Variants in ZNF787 observed in about 807,000 individuals in gnomAD.
ZNF787 encodes zinc finger protein 787, also known as TTF-I-interacting peptide 20.
A neutral mutation model predicts 16.9 loss-of-function variants in ZNF787; 7 were observed. The observed-to-expected ratio is 0.42, with a 90% CI of 0.24 to 0.78. ZNF787 has a LOEUF of 0.78. Among genes scored for constraint, ZNF787 ranks in the 30% least tolerant of loss-of-function variants. The pLI is 0.30. For missense variants in ZNF787, 551 were observed against 589.3 expected (o/e 0.94, Z 0.67); for synonymous variants, 345 against 270.9 (o/e 1.27, Z -2.69).
chr19:56,088,172 T>C lies in ZNF787; in HGVS notation c.1000A>G (p.Arg334Gly). The C allele has an allele frequency of 1.3e-6, 2 of 1,550,322 alleles. No individual in the cohort carries two copies. Among genetic ancestry groups the C allele is most frequent in the Admixed American group, 1.8e-5 (1 of 54,746 alleles). The change falls in exon 3 of 3, where the codon AGA becomes GGA. Residue 334 changes from arginine (R) to glycine (G), a missense_variant. Arg to Gly is a moderately radical substitution (Grantham distance 125, BLOSUM62 -2). This residue lies in a region of ZNF787 where 392 missense variants were observed against 312.7 expected (regional missense o/e 1.25). Transcript: ENST00000610935. The surrounding 1 kb of genome is among the most constrained non-coding windows in gnomAD (Gnocchi z 8.6). ...EGFVQGAALR[R>G]HKKIHAVGAP... ...CCCACCGCGTGGATCTTCTTGTGTC[T>C]CCGGAGCGCGGCGCCCTGCACGAAG...
At chr19:56,115,265 C>A (rs1162380709) in intron 1 of ZNF787, among the ~76,000 whole-genome samples, 3 of 150,734 alleles carry the variant, frequency 2.0e-5, no homozygotes, top group East Asian at 4.0e-4. Context: ...GTCCCTCTGG[C>A]GGGGTTCAGG....
In ZNF787 at chr19:56,088,943, G is replaced by T; in HGVS notation, c.229C>A (p.His77Asn). Residue 77 changes from histidine (H) to asparagine (N), a missense_variant, in exon 3 of 3, where the codon CAC (histidine) becomes AAC (asparagine). His to Asn is a moderately conservative substitution (Grantham distance 68). Around this residue, in one of 4 missense-constraint regions of ZNF787, gnomAD observed 39 missense variants for 109.9 expected, o/e 0.35. Coordinates refer to ENST00000610935, the MANE Select transcript of ZNF787 (RefSeq NM_001002836.4). The surrounding 1 kb of genome is among the most constrained non-coding windows in gnomAD (Gnocchi z 8.6). ...ICNECGKSFS[H>N]WSKLTRHQRT... ...TGGTGCCGCGTCAGCTTGGACCAGTGGCTAAAGCTCTTGCCACACTCGTTG... is the reference window on the plus strand; with the variant it reads ...TGGTGCCGCGTCAGCTTGGACCAGTTGCTAAAGCTCTTGCCACACTCGTTG... The T allele has an allele frequency of 6.4e-7, 1 of 1,572,662 alleles. No individual in the cohort carries two copies. The highest frequency in any genetic ancestry group is 1.2e-5 in the South Asian group (1 of 85,336).
chr19:56,111,734 C>T (rs541627695), intron 1 of ZNF787, among the ~76,000 whole-genome samples: 1 of 152,148 alleles, frequency 6.6e-6, no homozygotes, highest in Admixed American at 6.5e-5. Context: ...AGGGAGGGGC[C>T]GACACCTACC....
chr19:56,106,766 C>G (rs1986336210), intron 1 of ZNF787, among the ~76,000 whole-genome samples: 1 of 152,264 alleles, frequency 6.6e-6, no homozygotes, highest in African/African-American at 2.4e-5. Context: ...AGGCCGGGGT[C>G]TGCAGACCAG....
intron 2 of ZNF787, among the ~76,000 whole-genome samples, chr19:56,099,728 A>G (rs1986018161): frequency 6.8e-6 from 1 of 147,804 alleles, no homozygotes; most frequent in Non-Finnish European, 1.5e-5. Flanking sequence ...AAAAAAAAGA[A>G]AAGAGAGAGA....
chr19:56,094,286 C>T (rs2123396284), intron 2 of ZNF787, among the ~76,000 whole-genome samples: 1 of 150,068 alleles, frequency 6.7e-6, no homozygotes, highest in Non-Finnish European at 1.5e-5. Context: ...CCCGCCTTGG[C>T]CTCCCAAAGT....
chr19:56,107,385 G>A (rs955728676), intron 1 of ZNF787, among the ~76,000 whole-genome samples: 3 of 152,254 alleles, frequency 2.0e-5, no homozygotes, highest in East Asian at 3.9e-4. Flanking sequence ...GCTCTCCAGG[G>A]TCCTCATTTA....
intron 2 of ZNF787, chr19:56,102,534 T>C (rs1241832948): frequency 7.3e-6 from 2 of 272,426 alleles, no homozygotes; most frequent in Admixed American, 5.0e-5. Context: ...CAAATGAGTT[T>C]TGCTCAACCC....
intron 1 of ZNF787, among the ~76,000 whole-genome samples, chr19:56,114,423 G>C (rs865953401): frequency 9.4e-6 from 1 of 106,008 alleles, no homozygotes; most frequent in Non-Finnish European, 1.9e-5. Flanking sequence ...GCCAGGCCTG[G>C]TCTCTCTGAG....
intron 1 of ZNF787, among the ~76,000 whole-genome samples, chr19:56,109,484 G>A (rs1418579656): frequency 6.6e-6 from 1 of 152,184 alleles, no homozygotes; most frequent in East Asian, 1.9e-4. Context: ...ATCTCCCTCA[G>A]CCTCCCCAAG....
In ZNF787 at chr19:56,087,824, G is replaced by C. The variant is rs1041455625; in HGVS notation, c.*199C>G. ...GGCCAGGCTGAGGGGGCAGAGTCTC[G>C]AGGCGGAGAAGTGAACGGGCCCTAA... On this transcript the variant is annotated 3_prime_UTR_variant, in exon 3 of 3. Transcript: ENST00000610935. The C allele has an allele frequency of 3.5e-6, 3 of 847,938 alleles. No homozygotes were observed. Among genetic ancestry groups the C allele is most frequent in the Non-Finnish European group, 4.7e-6 (3 of 642,586 alleles). The allele number at this position is 847,938 out of a possible 1,614,324, so 52.5% of individuals were successfully genotyped here.
chr19:56,097,690 C>A (rs1044943392), intron 2 of ZNF787, among the ~76,000 whole-genome samples: 1 of 152,220 alleles, frequency 6.6e-6, no homozygotes, highest in African/African-American at 2.4e-5. Context: ...TGCGTGCAGG[C>A]ACGGCGCGAG....
intron 1 of ZNF787, among the ~76,000 whole-genome samples, chr19:56,112,818 C>T (rs1052234648): frequency 2.0e-5 from 3 of 152,074 alleles, no homozygotes; most frequent in Non-Finnish European, 4.4e-5. Context: ...CACCATGCAC[C>T]CCATGTGGCC....
chr19:56,118,646 A>G (rs531081147), intron 1 of ZNF787, among the ~76,000 whole-genome samples: 2 of 152,268 alleles, frequency 1.3e-5, no homozygotes, highest in Admixed American at 1.3e-4. Flanking sequence ...AGGTTCCTGC[A>G]AAGTGTGCAC....
chr19:56,120,613 G>T (rs2030263307), intron 1 of ZNF787, among the ~76,000 whole-genome samples: 1 of 151,714 alleles, frequency 6.6e-6, no homozygotes, highest in Middle Eastern at 3.4e-3. Context: ...CGGGACCCGG[G>T]CTGACTCGAA....
intron 2 of ZNF787, among the ~76,000 whole-genome samples, chr19:56,089,666 AG>A (rs1163274792): frequency 6.6e-6 from 1 of 152,176 alleles, no homozygotes; most frequent in Non-Finnish European, 1.5e-5. Context: ...TGAGCATGAA[AG>A]CCCCACCTCC....
In ZNF787 at chr19:56,088,566, C is replaced by A; in HGVS notation, c.606G>T (p.Glu202Asp). The A allele has an allele frequency of 6.7e-7, 1 of 1,502,914 alleles. No homozygotes were observed. Among genetic ancestry groups the A allele is most frequent in the Admixed American group, 2.2e-5 (1 of 46,104 alleles). The allele number at this position is 1,502,914 out of a possible 1,614,324, so 93.1% of individuals were successfully genotyped here. ...SLARHLRLHP[E>D]LSGPGVAAKV... ...TGGCCGCCACGCCAGGCCCCGACAG[C>A]TCCGGGTGCAGCCGCAGGTGACGCG... Residue 202 changes from glutamate (E) to aspartate (D), a missense_variant, in exon 3 of 3, where the codon GAG (glutamate) becomes GAT (aspartate). Physicochemically the swap from Glu to Asp is conservative, Grantham distance 45. Around this residue, in one of 4 missense-constraint regions of ZNF787, gnomAD observed 392 missense variants for 312.7 expected, o/e 1.25. Transcript: ENST00000610935. The surrounding 1 kb of genome is among the most constrained non-coding windows in gnomAD (Gnocchi z 8.6).
chr19:56,104,822 A>T (rs1241148021), intron 1 of ZNF787, among the ~76,000 whole-genome samples: 1 of 152,234 alleles, frequency 6.6e-6, no homozygotes, highest in Admixed American at 6.5e-5. Flanking sequence ...TCATACCCAG[A>T]TCTCTCTTTT....
intron 1 of ZNF787, among the ~76,000 whole-genome samples, chr19:56,105,055 G>C (rs1055415592): frequency 6.6e-6 from 1 of 152,190 alleles, no homozygotes; most frequent in Non-Finnish European, 1.5e-5. Flanking sequence ...TGAAACCCAG[G>C]AGGCAGAGGT....
Sources: gnomAD v4.1 joint callset for allele counts (sites outside exome capture counted in the v4.1 genomes callset) on GRCh38, gnomAD v4.1.1 for gene constraint, gnomAD v4.1.1 regional missense constraint, Gnocchi (gnomAD v3.1) non-coding constraint, MANE v1.5 for transcripts, NCBI Gene and HGNC (gene_info 2026-07-23, HGNC 2026-07-21) for gene names.